Variants in CDH20 observed in about 807,000 individuals in gnomAD.
CDH20 encodes cadherin 20, also known as cadherin-20.
In CDH20, 29 loss-of-function variants were observed where a neutral mutation model predicts 74.2. The observed-to-expected ratio is 0.39, with a 90% confidence interval of 0.29 to 0.53. The LOEUF is 0.53. CDH20 is among the 20% of genes least tolerant of loss of function. The probability of loss-of-function intolerance (pLI) is 0.69; values close to 1 mark genes in which losing one functional copy is unlikely to be tolerated. For missense variants in CDH20, 988 were observed against 1,048.3 expected, an observed-to-expected ratio of 0.94 and a Z score of 0.79; for synonymous variants, 469 against 405.4, an observed-to-expected ratio of 1.16 and a Z score of -1.88.
chr18:61,529,093 A>G (rs1467800774), intron 7 of CDH20, among the ~76,000 whole-genome samples: 2 of 152,196 alleles, frequency 1.3e-5, no homozygotes, highest in Non-Finnish European at 2.9e-5. Flanking sequence ...CCAAAGTGCA[A>G]ATAGTTGATG....
Position 61,333,596 on chromosome 18 carries a change from C to T in CDH20, c.-384C>T, listed in dbSNP as rs1599019978. ...GGGGTTGGTGCACTTGGCAGTACCC[C>T]CCAACTCCTGGCAACCGCACGGAGA... On this transcript the variant is annotated 5_prime_UTR_variant, in exon 1 of 12. Coordinates refer to ENST00000262717, the MANE Select transcript of CDH20 (RefSeq NM_031891.4). 1 of 152,130 alleles carries T rather than the reference C, an allele frequency of 6.6e-6. No individual in the cohort carries two copies. The highest frequency in any genetic ancestry group is 6.5e-5 in the Admixed American group (1 of 15,270). 9.4% of individuals were successfully genotyped at this position (152,130 alleles called of 1,614,324 possible). A position where few individuals can be genotyped will look rare whatever the true frequency, so the allele number is the denominator to read the frequency against.
At chr18:61,349,750 C>G (rs1465502361) in intron 1 of CDH20, among the ~76,000 whole-genome samples, 1 of 147,402 alleles carries the variant, frequency 6.8e-6, no homozygotes, top group African/African-American at 2.5e-5. Context: ...TTGTCACATG[C>G]AAGTGACAGA....
chr18:61,451,673 T>TG (rs1744231761), intron 1 of CDH20, among the ~76,000 whole-genome samples: 1 of 152,034 alleles, frequency 6.6e-6, no homozygotes, highest in Admixed American at 6.5e-5. Flanking sequence ...ATAAATTTAT[T>TG]GGGAAAAGAG....
intron 1 of CDH20, among the ~76,000 whole-genome samples, chr18:61,377,139 T>C (rs759292581): frequency 1.3e-5 from 2 of 152,112 alleles, no homozygotes; most frequent in African/African-American, 2.4e-5. Context: ...CCCCATTGCC[T>C]TTTCCTCACC....
At chr18:61,442,031 T>C (rs1599087860) in intron 1 of CDH20, among the ~76,000 whole-genome samples, 1 of 152,122 alleles carries the variant, frequency 6.6e-6, no homozygotes, top group East Asian at 1.9e-4. Flanking sequence ...TTTAGTATTT[T>C]ATAGCAAGTA....
At chr18:61,515,140 G>T (rs1911943955) in intron 6 of CDH20, among the ~76,000 whole-genome samples, 1 of 152,114 alleles carries the variant, frequency 6.6e-6, no homozygotes. Flanking sequence ...TGTTGTGCTA[G>T]CAATCAGCGA....
chr18:61,508,829 GTTT>G (rs1911677595), intron 6 of CDH20, among the ~76,000 whole-genome samples: 1 of 152,154 alleles, frequency 6.6e-6, no homozygotes, highest in Non-Finnish European at 1.5e-5. Context: ...TAGAGACAGG[GTTT>G]CACTGTGTTA....
intron 4 of CDH20, among the ~76,000 whole-genome samples, chr18:61,502,694 C>T (rs1007743574): frequency 2.6e-5 from 4 of 152,196 alleles, no homozygotes; most frequent in African/African-American, 9.7e-5. Flanking sequence ...CTGCCACCTC[C>T]TGTTCACTTT....
intron 1 of CDH20, among the ~76,000 whole-genome samples, chr18:61,417,373 T>A (rs1306226759): frequency 6.6e-6 from 1 of 151,898 alleles, no homozygotes. Flanking sequence ...ATAGCCAAGA[T>A]AAGGAATCAA....
intron 10 of CDH20, among the ~76,000 whole-genome samples, chr18:61,546,105 G>A (rs1913239174): frequency 2.0e-5 from 3 of 152,174 alleles, no homozygotes; most frequent in Admixed American, 2.0e-4. Flanking sequence ...CTGCCAGCTA[G>A]CCAGCTGACC....
At chr18:61,425,389 A>G (rs1335055371) in intron 1 of CDH20, among the ~76,000 whole-genome samples, 1 of 152,172 alleles carries the variant, frequency 6.6e-6, no homozygotes, top group Non-Finnish European at 1.5e-5. Flanking sequence ...ACAGAGATAG[A>G]GAAGAAGGGA....
intron 1 of CDH20, among the ~76,000 whole-genome samples, chr18:61,364,921 G>T (rs1472821866): frequency 4.6e-5 from 7 of 152,218 alleles, no homozygotes; most frequent in Admixed American, 4.6e-4. Flanking sequence ...CTACACTAAA[G>T]TTGAGGTATA....
At chr18:61,544,704 G>A (rs781763806) in intron 9 of CDH20, among the ~76,000 whole-genome samples, 3 of 152,092 alleles carry the variant, frequency 2.0e-5, no homozygotes, top group Non-Finnish European at 4.4e-5. Context: ...GCTTGTGTCT[G>A]TGCCCGCTAA....
At chr18:61,527,904 C>A in intron 6 of CDH20, 63 bp from the exon 7 acceptor site, 2 of 1,539,126 alleles carry the variant, frequency 1.3e-6, no homozygotes, top group Non-Finnish European at 1.8e-6. Context: ...TCCTTTTGAA[C>A]GTTGACATAT....
At chr18:61,416,513 C>T (rs1420980464) in intron 1 of CDH20, among the ~76,000 whole-genome samples, 1 of 152,206 alleles carries the variant, frequency 6.6e-6, no homozygotes, top group East Asian at 1.9e-4. Context: ...TACTTTTCTG[C>T]TCTGTCATTC....
At chr18:61,528,257 G>T (rs757070953) in intron 7 of CDH20, 37 bp downstream of exon 7, 1 of 1,600,274 alleles carries the variant, frequency 6.2e-7, no homozygotes, top group South Asian at 1.1e-5. Flanking sequence ...TTATATGCTG[G>T]AATCTTCCCT....
chr18:61,472,304 G>A (rs76957547), intron 1 of CDH20, among the ~76,000 whole-genome samples: 1,870 of 152,038 alleles, frequency 0.012, 13 homozygotes, highest in Middle Eastern at 0.031. Context: ...CCCGAGAGAC[G>A]TGCTCAAACC....
chr18:61,526,436 C>T (rs938235594), intron 6 of CDH20, among the ~76,000 whole-genome samples: 1 of 152,026 alleles, frequency 6.6e-6, no homozygotes, highest in Non-Finnish European at 1.5e-5. Context: ...ATGAAATGTG[C>T]TGCCATTCAA....
rs1409303951 is a variant in CDH20 at position 61,469,396 on chromosome 18, CA to C, written c.-152-21005del. Among the ~76,000 whole-genome samples, 20 of 151,022 alleles carry C rather than the reference CA, an allele frequency of 1.3e-4. No individual in the cohort carries two copies. In the East Asian group the frequency reaches 1.4e-3, roughly 10 times the overall value. On this transcript the variant is annotated intron_variant, in intron 1 of 11. Transcript: ENST00000262717. ...ACACACACACACACACACACACACACACACACACCCCTATATAAATAACATT... is the reference window on the plus strand; with the variant it reads ...ACACACACACACACACACACACACACCACACACCCCTATATAAATAACATT...
Sources: gnomAD v4.1 joint callset for allele counts (sites outside exome capture counted in the v4.1 genomes callset) on GRCh38, gnomAD v4.1.1 for gene constraint, MANE v1.5 for transcripts, NCBI Gene and HGNC (gene_info 2026-07-23, HGNC 2026-07-21) for gene names.